PLXNA4: variants seen among roughly 807,000 people sequenced by gnomAD.
The protein encoded by PLXNA4 is plexin A4.
PLXNA4 carries 44 observed loss-of-function variants against 191.8 expected under a neutral mutation model. The observed-to-expected ratio is 0.23, with a 90% CI of 0.18 to 0.29. The LOEUF is 0.29. Among genes scored for constraint, PLXNA4 ranks in the 10% least tolerant of loss-of-function variants. PLXNA4 has a pLI of 1.00. For synonymous variants in PLXNA4, 1,082 were observed against 1,009.5 expected, an observed-to-expected ratio of 1.07 and a Z score of -1.36; for missense variants, 1,800 against 2,488.8, an observed-to-expected ratio of 0.72 and a Z score of 5.89.
At position 132,179,961 on chromosome 7, in the gene PLXNA4, C is replaced by T. The variant is rs552792017; in HGVS notation, c.3640-40G>A. 247 of 1,562,416 alleles carry T rather than the reference C, an allele frequency of 1.6e-4. 1 individual carries two copies. The highest frequency in any genetic ancestry group is 1.4e-3 in the South Asian group (121 of 86,546). On this transcript the variant is annotated intron_variant, in intron 19 of 31. Coordinates refer to ENST00000321063, the MANE Select transcript of PLXNA4 (RefSeq NM_020911.2). ...GGCAAGAGGGAGCTGGGTGTGGGGA[C>T]GCAGCAGCTTTGGCAACAGTCCCAA...
rs989506536 is a variant in PLXNA4, at chr7:132,462,597, TA to T, written c.1371+26694del. 2.0e-4 allele frequency among the ~76,000 whole-genome samples: 31 copies of T among 151,278 alleles called. No homozygotes were observed. In the East Asian group the frequency reaches 2.9e-3, roughly 14 times the overall value. Reference sequence around the variant, plus strand: ...ATATACTCAAGTATCTTCTTTTATTTAAAAAAAAATAATTATTATTATTTTG... The same window carrying T: ...ATATACTCAAGTATCTTCTTTTATTTAAAAAAAATAATTATTATTATTTTG... On this transcript the variant is annotated intron_variant, in intron 3 of 31. Transcript: ENST00000321063.
intron 2 of PLXNA4, among the ~76,000 whole-genome samples, chr7:132,628,469 C>T (rs1180533103): frequency 6.6e-6 from 1 of 151,750 alleles, no homozygotes; most frequent in Non-Finnish European, 1.5e-5. Flanking sequence ...CTTGATTATG[C>T]TGAACATTCA....
intron 3 of PLXNA4, among the ~76,000 whole-genome samples, chr7:132,480,668 G>A (rs1456555433): frequency 2.0e-5 from 3 of 152,224 alleles, no homozygotes; most frequent in African/African-American, 7.2e-5. Context: ...GATGGGCCCA[G>A]TCTGTCCCAG....
chr7:132,559,588 G>A (rs1800945583), intron 1 of PLXNA4, among the ~76,000 whole-genome samples: 1 of 152,192 alleles, frequency 6.6e-6, no homozygotes, highest in Admixed American at 6.5e-5. Flanking sequence ...CAGCACAGAG[G>A]GTTGAAAGTG....
intron 2 of PLXNA4, among the ~76,000 whole-genome samples, chr7:132,583,617 C>T (rs575767196): frequency 1.3e-5 from 2 of 152,328 alleles, no homozygotes; most frequent in East Asian, 3.9e-4. Context: ...GAGCCGCAGA[C>T]AGTTGCCTTA....
intron 3 of PLXNA4, among the ~76,000 whole-genome samples, chr7:132,344,429 A>G (rs1051138422): frequency 7.2e-5 from 11 of 152,172 alleles, no homozygotes; most frequent in Non-Finnish European, 1.5e-4. Flanking sequence ...GGACCAGTGC[A>G]ATGGAGGGCT....
chr7:132,171,691 G>C (rs1796291376), intron 21 of PLXNA4, among the ~76,000 whole-genome samples: 2 of 152,162 alleles, frequency 1.3e-5, no homozygotes, highest in African/African-American at 4.8e-5. Flanking sequence ...GGGGCCCTGG[G>C]AAGGAAGATT....
At position 132,641,198 on chromosome 7, in the gene PLXNA4, T is replaced by A. The variant is rs551758221; in HGVS notation, c.-87+4730A>T. Among the ~76,000 whole-genome samples the A allele has an allele frequency of 1.2e-3, 182 of 152,366 alleles. 1 individual carries two copies. Among genetic ancestry groups the A allele is most frequent in the Non-Finnish European group, 2.4e-3 (161 of 68,036 alleles). ...TCTCCTTGTGGACTCTTTCTTTCTTTGTCCTTATATTAATCTGCTCAGGCT... is the reference window on the plus strand; with the variant it reads ...TCTCCTTGTGGACTCTTTCTTTCTTAGTCCTTATATTAATCTGCTCAGGCT... On this transcript the variant is annotated intron_variant, in intron 2 of 4. Coordinates refer to the PLXNA4 transcript ENST00000378539.
chr7:132,172,673 C>T (rs565472096), intron 21 of PLXNA4, among the ~76,000 whole-genome samples: 6 of 152,168 alleles, frequency 3.9e-5, no homozygotes, highest in East Asian at 3.9e-4. Flanking sequence ...CCGGCTAATG[C>T]GGGCCAGTAA....
intron 5 of PLXNA4, 73 bp downstream of exon 5, chr7:132,240,993 T>C (rs1032008250): frequency 2.8e-6 from 3 of 1,070,748 alleles, no homozygotes; most frequent in Non-Finnish European, 4.1e-6. Flanking sequence ...AGGGCAGTGA[T>C]GACAGAGAAG....
rs368275986 is a variant in PLXNA4, at chr7:132,180,003, T to C, written c.3640-82A>G. 57 of 1,491,526 alleles carry C rather than the reference T, an allele frequency of 3.8e-5. No homozygotes were observed. In the East Asian group the frequency reaches 1.0e-3, roughly 26 times the overall value. 92.4% of individuals were successfully genotyped at this position (1,491,526 alleles called of 1,614,324 possible). A position where few individuals can be genotyped will look rare whatever the true frequency, so the allele number is the denominator to read the frequency against. ...CAGTCCCAAGTTACCCATGAACTAG[T>C]GACCAGGGCAGGATGACGGAAAGGA... On this transcript the variant is annotated intron_variant, in intron 19 of 31. Transcript: ENST00000321063.
intron 30 of PLXNA4, 143 bp from the exon 31 acceptor site, chr7:132,133,342 C>A: frequency 7.3e-7 from 1 of 1,377,820 alleles, no homozygotes; most frequent in Non-Finnish European, 9.7e-7. Flanking sequence ...CACCTGGGGA[C>A]CACTGTGGTC....
At chr7:132,365,608 T>C (rs762033378) in intron 3 of PLXNA4, among the ~76,000 whole-genome samples, 1 of 152,124 alleles carries the variant, frequency 6.6e-6, no homozygotes, top group African/African-American at 2.4e-5. Flanking sequence ...AAGGCATTTT[T>C]ACATGAGGCA....
intron 3 of PLXNA4, among the ~76,000 whole-genome samples, chr7:132,343,682 G>C (rs113885433): frequency 0.014 from 2,150 of 152,284 alleles, 64 homozygotes; most frequent in African/African-American, 0.049. Flanking sequence ...ACTTTGAGAG[G>C]CCAAGGCGGG....
intron 2 of PLXNA4, among the ~76,000 whole-genome samples, chr7:132,631,987 C>A (rs768398930): frequency 5.3e-5 from 8 of 151,968 alleles, no homozygotes; most frequent in Non-Finnish European, 1.0e-4. Flanking sequence ...GTAATCCCAG[C>A]ATTTTGGGAG....
chr7:132,471,989 C>T (rs1223755890), intron 3 of PLXNA4, among the ~76,000 whole-genome samples: 1 of 152,126 alleles, frequency 6.6e-6, no homozygotes, highest in Admixed American at 6.5e-5. Flanking sequence ...CTTGTTTGAT[C>T]AAACAAACAA....
intron 4 of PLXNA4, among the ~76,000 whole-genome samples, chr7:132,259,725 G>C (rs567556019): frequency 6.6e-5 from 10 of 152,230 alleles, no homozygotes; most frequent in South Asian, 6.2e-4. Flanking sequence ...AGCGAACAAG[G>C]TGCCCTTCAG....
At chr7:132,261,550 G>A (rs1799646288) in intron 4 of PLXNA4, among the ~76,000 whole-genome samples, 1 of 152,204 alleles carries the variant, frequency 6.6e-6, no homozygotes, top group Non-Finnish European at 1.5e-5. Flanking sequence ...ATGCTAGGCT[G>A]GACAAGCCAC....
rs773666064 is a variant in PLXNA4, at chr7:132,185,327, G to T, written c.3130C>A (p.Arg1044=). The change falls in exon 16 of 32, where the codon CGG becomes AGG. Residue 1044 remains arginine, a synonymous_variant. Transcript: ENST00000321063. ...FQYVEDPTIV[R]IEPEWSIVSG... is the part of the protein sequence containing the mutation. ...ACAATGCTCCATTCTGGCTCAATCC[G>T]CACGATGGTGGGGTCTTCCACATAC... 6.2e-7 allele frequency: 1 copy of T among 1,613,620 alleles called. No individual in the cohort carries two copies. Among genetic ancestry groups the T allele is most frequent in the Non-Finnish European group, 8.5e-7 (1 of 1,179,808 alleles).
Sources: gnomAD v4.1 joint callset for allele counts (sites outside exome capture counted in the v4.1 genomes callset) on GRCh38, gnomAD v4.1.1 for gene constraint, MANE v1.5 for transcripts, NCBI Gene and HGNC (gene_info 2026-07-23, HGNC 2026-07-21) for gene names.